The following LARGE1 variants were observed in gnomAD, a reference collection of about 807,000 sequenced individuals.
LARGE1 encodes the protein xylosyl- and glucuronyltransferase LARGE1.
Under a neutral mutation model 87.6 loss-of-function variants are expected in LARGE1, and 43 were observed. The ratio of observed to expected loss-of-function variants is 0.49; its 90% CI spans 0.38 to 0.63. LARGE1 has a LOEUF of 0.63. Among genes scored for constraint, LARGE1 ranks in the 30% least tolerant of loss-of-function variants. The pLI is 0.00. For missense variants in LARGE1, 802 were observed against 1,000.2 expected, an observed-to-expected ratio of 0.80 and a Z score of 2.67; for synonymous variants, 434 against 394.6, an observed-to-expected ratio of 1.10 and a Z score of -1.18.
At chr22:33,405,815 C>T (rs7292368) in intron 7 of LARGE1, among the ~76,000 whole-genome samples, 2 of 152,200 alleles carry the variant, frequency 1.3e-5, no homozygotes, top group African/African-American at 2.4e-5. Flanking sequence ...TTTAGTACAA[C>T]AATGGGCCCT....
At chr22:33,850,097 T>C (rs1272423808) in intron 1 of LARGE1, among the ~76,000 whole-genome samples, 1 of 152,160 alleles carries the variant, frequency 6.6e-6, no homozygotes, top group Non-Finnish European at 1.5e-5. Flanking sequence ...ACCATACTTC[T>C]GTTGCAGAAA....
At chr22:33,599,242 G>A (rs959399868) in intron 5 of LARGE1, among the ~76,000 whole-genome samples, 3 of 152,166 alleles carry the variant, frequency 2.0e-5, no homozygotes, top group African/African-American at 7.2e-5. Flanking sequence ...TTAAGCAAAT[G>A]CTCTTCAACC....
chr22:33,103,363 G>C, the LARGE1 span, among the ~76,000 whole-genome samples: 4 of 138,704 alleles, frequency 2.9e-5, no homozygotes, highest in Admixed American at 2.4e-4. Flanking sequence ...AACCCGGTAG[G>C]CAGAGCTTGC....
chr22:33,412,157 G>A (rs931358348), intron 7 of LARGE1, among the ~76,000 whole-genome samples: 11 of 152,080 alleles, frequency 7.2e-5, no homozygotes, highest in East Asian at 1.9e-4. Context: ...GGTGGCACGC[G>A]CTTGTAGTCC....
At chr22:33,149,673 C>T in the LARGE1 span, among the ~76,000 whole-genome samples, 5 of 152,188 alleles carry the variant, frequency 3.3e-5, no homozygotes, top group East Asian at 1.9e-4. Flanking sequence ...ATCAAGGTGT[C>T]AGCTGGCTGG....
chr22:33,876,016 T>A (rs1005918650), intron 1 of LARGE1, among the ~76,000 whole-genome samples: 1 of 152,104 alleles, frequency 6.6e-6, no homozygotes, highest in Non-Finnish European at 1.5e-5. Flanking sequence ...AATATCCCAA[T>A]CTTGGGATTT....
chr22:33,130,262 C>A, the LARGE1 span, among the ~76,000 whole-genome samples: 1 of 140,672 alleles, frequency 7.1e-6, no homozygotes, highest in African/African-American at 2.7e-5. Flanking sequence ...TGCAGTGAGC[C>A]GAGACAGCGC....
intron 2 of LARGE1, among the ~76,000 whole-genome samples, chr22:33,696,203 G>A (rs73170527): frequency 0.07 from 10,584 of 151,640 alleles, 404 homozygotes; most frequent in Middle Eastern, 0.12. Context: ...AACTGCAACT[G>A]AAGGGTCAGA....
intron 11 of LARGE1, among the ~76,000 whole-genome samples, chr22:33,305,134 C>G (rs1480340214): frequency 1.3e-5 from 2 of 152,004 alleles, no homozygotes; most frequent in Admixed American, 1.3e-4. Context: ...CATGTGTAGA[C>G]AGGTACCCTG....
At chr22:33,428,559 C>A (rs2066960253) in intron 7 of LARGE1, among the ~76,000 whole-genome samples, 1 of 150,550 alleles carries the variant, frequency 6.6e-6, no homozygotes, top group African/African-American at 2.4e-5. Flanking sequence ...GTGATCCACC[C>A]ACCTCGGCCT....
At chr22:33,174,875 G>A (rs534739415) in intron 11 of LARGE1, among the ~76,000 whole-genome samples, 4 of 150,484 alleles carry the variant, frequency 2.7e-5, no homozygotes, top group East Asian at 2.0e-4. Flanking sequence ...AAAAATGTCC[G>A]GATTCACAGC....
intron 2 of LARGE1, among the ~76,000 whole-genome samples, chr22:33,691,035 C>T (rs2082083701): frequency 6.6e-6 from 1 of 152,188 alleles, no homozygotes; most frequent in South Asian, 2.1e-4. Context: ...GCACCAGACC[C>T]CAAGTCCTCA....
At chr22:33,232,178 GT>G (rs1478474559) in intron 11 of LARGE1, among the ~76,000 whole-genome samples, 1 of 152,168 alleles carries the variant, frequency 6.6e-6, no homozygotes, top group African/African-American at 2.4e-5. Flanking sequence ...TTTCACCAAA[GT>G]CTTACAGCTG....
intron 11 of LARGE1, chr22:33,221,721 C>T (rs907947020): frequency 6.6e-6 from 1 of 152,258 alleles, no homozygotes; most frequent in Non-Finnish European, 1.5e-5. Flanking sequence ...ATTCCCGCCT[C>T]TACTTCCTGG....
chr22:33,262,099 C>G (rs735437), intron 11 of LARGE1, among the ~76,000 whole-genome samples: 2 of 152,258 alleles, frequency 1.3e-5, no homozygotes, highest in South Asian at 2.1e-4. Flanking sequence ...TTGATCTCCA[C>G]GAAAGCCTTA....
At chr22:33,761,233 T>C in intron 2 of LARGE1, 138 bp downstream of exon 2, 1 of 813,972 alleles carries the variant, frequency 1.2e-6, no homozygotes, top group East Asian at 2.4e-5. Flanking sequence ...ACTACCTGTG[T>C]GATTCTAGAC....
chr22:33,239,109 T>TAA (rs201155853), intron 11 of LARGE1, among the ~76,000 whole-genome samples: 1 of 144,892 alleles, frequency 6.9e-6, no homozygotes. Flanking sequence ...ATTAGGAATG[T>TAA]AAAAAAAAAA....
chr22:33,164,718 A>T (rs1180888196), exon 12 of LARGE1: 1 of 151,890 alleles, frequency 6.6e-6, no homozygotes, highest in Non-Finnish European at 1.5e-5. Context: ...AGGGTTTCAC[A>T]TGTTGGTCAG....
chr22:33,871,367 T>C (rs184522250), intron 1 of LARGE1, among the ~76,000 whole-genome samples: 283 of 152,258 alleles, frequency 1.9e-3, no homozygotes, highest in African/African-American at 6.6e-3. Flanking sequence ...TGAGCACATA[T>C]TGTGTGCCAG....
Sources: gnomAD v4.1 joint callset for allele counts (sites outside exome capture counted in the v4.1 genomes callset) on GRCh38, gnomAD v4.1.1 for gene constraint, MANE v1.5 for transcripts, NCBI Gene and HGNC (gene_info 2026-07-23, HGNC 2026-07-21) for gene names.